CDC73: variants seen among roughly 807,000 people sequenced by gnomAD.
CDC73 encodes cell division cycle 73, also known as parafibromin.
A neutral mutation model predicts 83.7 loss-of-function variants in CDC73; 21 were observed. That is an observed-to-expected ratio of 0.25 (90% confidence interval 0.18 to 0.36). The LOEUF (loss-of-function observed/expected upper bound fraction) is 0.36. Among genes scored for constraint, CDC73 ranks in the 10% least tolerant of loss-of-function variants. CDC73 has a pLI of 1.00. For synonymous variants in CDC73, 224 were observed against 212.9 expected, an observed-to-expected ratio of 1.05 and a Z score of -0.45; for missense variants, 342 against 653.3, an observed-to-expected ratio of 0.52 and a Z score of 5.19.
chr1:193,175,545 A>C (rs968135744), intron 10 of CDC73, among the ~76,000 whole-genome samples: 16 of 152,238 alleles, frequency 1.1e-4, no homozygotes, highest in African/African-American at 3.9e-4. Flanking sequence ...AAATATTAAA[A>C]ACAAAAAACA....
intron 6 of CDC73, among the ~76,000 whole-genome samples, chr1:193,138,524 T>C (rs1675843345): frequency 6.6e-6 from 1 of 152,194 alleles, no homozygotes; most frequent in Non-Finnish European, 1.5e-5. Context: ...GAAGGTAATA[T>C]GGTCTCTTGA....
intron 10 of CDC73, among the ~76,000 whole-genome samples, chr1:193,173,935 A>G (rs1465592497): frequency 6.6e-6 from 1 of 152,164 alleles, no homozygotes; most frequent in East Asian, 1.9e-4. Context: ...TATGTTATGA[A>G]AAAATCTGAT....
intron 10 of CDC73, among the ~76,000 whole-genome samples, chr1:193,177,273 C>T (rs547910950): frequency 6.9e-6 from 1 of 145,746 alleles, no homozygotes; most frequent in Non-Finnish European, 1.5e-5. Context: ...CCTGTAATCC[C>T]AGCACTTTGG....
chr1:193,123,427 G>C (rs939969962), intron 1 of CDC73, among the ~76,000 whole-genome samples: 1 of 152,100 alleles, frequency 6.6e-6, no homozygotes, highest in Non-Finnish European at 1.5e-5. Context: ...TGGTTTCACC[G>C]TGTTGGTCAG....
At chr1:193,152,264 G>A in intron 9 of CDC73, 116 bp from the exon 10 acceptor site, 1 of 704,550 alleles carries the variant, frequency 1.4e-6, no homozygotes, top group Non-Finnish European at 2.5e-6. Flanking sequence ...GTAGATTCAA[G>A]GCTTTGTATA....
intron 6 of CDC73, among the ~76,000 whole-genome samples, chr1:193,139,906 C>CATT (rs1675874869): frequency 6.6e-6 from 1 of 152,186 alleles, no homozygotes; most frequent in South Asian, 2.1e-4. Context: ...GAACACTAGG[C>CATT]ATTATTCTGT....
At chr1:193,181,440 C>G (rs760883919) in intron 10 of CDC73, 3 of 1,613,930 alleles carry the variant, frequency 1.9e-6, no homozygotes, top group Non-Finnish European at 2.5e-6. Context: ...GATTGAAAAA[C>G]AAAAACATAG....
rs41308389 is a variant in CDC73, at chr1:193,212,282, T to G, written c.1067-108T>G. The G allele has an allele frequency of 0.054, 49,356 of 910,644 alleles. 1,576 individuals carry two copies. Among genetic ancestry groups the G allele is most frequent in the Non-Finnish European group, 0.064 (38,157 of 593,486 alleles). The allele number at this position is 910,644 out of a possible 1,614,324, so 56.4% of individuals were successfully genotyped here. On this transcript the variant is annotated intron_variant, in intron 12 of 16. Transcript: ENST00000367435. Reference sequence around the variant, plus strand: ...TAATATCCACTGGCTTAAAATATTTTTTAGATCAAAAGTTAAAGTTACAAT... The same window carrying G: ...TAATATCCACTGGCTTAAAATATTTGTTAGATCAAAAGTTAAAGTTACAAT...
chr1:193,183,911 G>T (rs7531808), intron 10 of CDC73, among the ~76,000 whole-genome samples: 3,288 of 151,870 alleles, frequency 0.022, 116 homozygotes, highest in African/African-American at 0.076. Flanking sequence ...AAGGTCAGAT[G>T]TTTGAATGGA....
chr1:193,214,978 G>T (rs192972516), intron 13 of CDC73, among the ~76,000 whole-genome samples: 1 of 152,164 alleles, frequency 6.6e-6, no homozygotes, highest in South Asian at 2.1e-4. Flanking sequence ...TATACAACAC[G>T]CCCAACCTTC....
rs184148365 is a variant in CDC73, at chr1:193,164,930, G to A, written c.972+12486G>A. ...TATCCAAAGGATCTGATTTATCACA[G>A]GAGAGGTGAGGAGCGATAGACTGAC... is the stretch of plus-strand genomic sequence containing the variant. On this transcript the variant is annotated intron_variant, in intron 10 of 16. Coordinates refer to ENST00000367435, the MANE Select transcript of CDC73 (RefSeq NM_024529.5). Among the ~76,000 whole-genome samples, 34 of 152,326 alleles carry A rather than the reference G, an allele frequency of 2.2e-4. 2 individuals are homozygous for A. The highest frequency in any genetic ancestry group is 9.2e-4 in the Admixed American group (14 of 15,300).
At chr1:193,176,020 T>C (rs1483860617) in intron 10 of CDC73, among the ~76,000 whole-genome samples, 1 of 152,232 alleles carries the variant, frequency 6.6e-6, no homozygotes, top group Non-Finnish European at 1.5e-5. Context: ...CATTAACCTT[T>C]TCAGAAGACA....
At chr1:193,154,068 T>C (rs1175704897) in intron 10 of CDC73, among the ~76,000 whole-genome samples, 3 of 152,208 alleles carry the variant, frequency 2.0e-5, no homozygotes, top group Admixed American at 6.5e-5. Context: ...AATTCATGGC[T>C]GAAGATTTAG....
intron 10 of CDC73, among the ~76,000 whole-genome samples, chr1:193,192,417 T>C (rs1035799774): frequency 6.6e-6 from 1 of 152,112 alleles, no homozygotes; most frequent in African/African-American, 2.4e-5. Flanking sequence ...CACTCCAGCC[T>C]GGGCGACAGA....
At chr1:193,214,303 A>G (rs1392812880) in intron 13 of CDC73, among the ~76,000 whole-genome samples, 18 of 152,234 alleles carry the variant, frequency 1.2e-4, no homozygotes, top group Admixed American at 1.2e-3. Context: ...TCCCGTTCCA[A>G]TAATGCAGTG....
intron 13 of CDC73, among the ~76,000 whole-genome samples, chr1:193,222,320 A>G (rs1232730198): frequency 6.6e-6 from 1 of 152,182 alleles, no homozygotes; most frequent in Admixed American, 6.5e-5. Context: ...ACTATTCAGC[A>G]CATGTATGTG....
chr1:193,218,736 T>A (rs977039908), intron 13 of CDC73, among the ~76,000 whole-genome samples: 1 of 152,190 alleles, frequency 6.6e-6, no homozygotes, highest in Non-Finnish European at 1.5e-5. Context: ...AACCCCTTCC[T>A]TTCACCATAT....
At chr1:193,215,284 G>C (rs1025677557) in intron 13 of CDC73, among the ~76,000 whole-genome samples, 1 of 152,026 alleles carries the variant, frequency 6.6e-6, no homozygotes, top group Non-Finnish European at 1.5e-5. Flanking sequence ...GAAATGTATT[G>C]TTTTCTACAA....
At chr1:193,180,322 C>T (rs373501556) in intron 10 of CDC73, 3 of 1,587,718 alleles carry the variant, frequency 1.9e-6, no homozygotes, top group Non-Finnish European at 2.6e-6. Context: ...GCGATACCTG[C>T]CTGCCTTTTC....
Sources: gnomAD v4.1 joint callset for allele counts (sites outside exome capture counted in the v4.1 genomes callset) on GRCh38, gnomAD v4.1.1 for gene constraint, MANE v1.5 for transcripts, NCBI Gene and HGNC (gene_info 2026-07-23, HGNC 2026-07-21) for gene names.